The following UGT1A6 variants were observed in gnomAD, a reference collection of about 807,000 sequenced individuals.
The protein encoded by UGT1A6 is UDP glucuronosyltransferase family 1 member A6, also known as UDP-glucuronosyltransferase 1A6.
In UGT1A6, 32 loss-of-function variants were observed where a neutral mutation model predicts 44.4. The observed-to-expected ratio is 0.72, with a 90% CI of 0.54 to 0.97. The LOEUF (loss-of-function observed/expected upper bound fraction) is 0.97. Among genes scored for constraint, UGT1A6 ranks in the 50% least tolerant of loss-of-function variants. The pLI is 0.00. For synonymous variants in UGT1A6, 238 were observed against 248.5 expected (o/e 0.96, Z 0.40); for missense variants, 685 against 661.9 (o/e 1.03, Z -0.38).
At chr2:233,705,685 G>A (rs917594086) in intron 1 of UGT1A6, among the ~76,000 whole-genome samples, 4 of 152,158 alleles carry the variant, frequency 2.6e-5, no homozygotes, top group Admixed American at 1.3e-4. Context: ...TATTCACAAC[G>A]ACTGGTATAA....
intron 4 of UGT1A6, 143 bp downstream of exon 4, chr2:233,768,582 CTTTTTT>C (rs139595073): frequency 4.6e-4 from 479 of 1,031,596 alleles, no homozygotes; most frequent in East Asian, 1.4e-3. Context: ...TTTATTTCTT[CTTTTTT>C]TTTTTTTTTT....
intron 1 of UGT1A6, chr2:233,713,045 T>A: frequency 6.2e-7 from 1 of 1,614,044 alleles, no homozygotes; most frequent in East Asian, 2.2e-5. Context: ...GACTGCTGCT[T>A]CTCCTCAGTG....
chr2:233,727,225 C>G (rs1417750017), intron 1 of UGT1A6, among the ~76,000 whole-genome samples: 1 of 152,168 alleles, frequency 6.6e-6, no homozygotes, highest in Non-Finnish European at 1.5e-5. Context: ...TCCACATATG[C>G]GGATGGCTCC....
chr2:233,705,344 C>G (rs771723864), intron 1 of UGT1A6, among the ~76,000 whole-genome samples: 1 of 152,092 alleles, frequency 6.6e-6, no homozygotes, highest in Non-Finnish European at 1.5e-5. Context: ...CAATTTTTGT[C>G]TTATTACATG....
At chr2:233,739,246 G>A (rs1691023323) in intron 1 of UGT1A6, among the ~76,000 whole-genome samples, 1 of 152,234 alleles carries the variant, frequency 6.6e-6, no homozygotes, top group Non-Finnish European at 1.5e-5. Context: ...CTAGAGAAGG[G>A]TGGTAAAGAA....
intron 1 of UGT1A6, among the ~76,000 whole-genome samples, chr2:233,720,687 C>A (rs1440399782): frequency 1.3e-5 from 2 of 151,626 alleles, no homozygotes; most frequent in Non-Finnish European, 2.9e-5. Flanking sequence ...GTTTCTAAAT[C>A]CATTAAGGGA....
intron 1 of UGT1A6, among the ~76,000 whole-genome samples, chr2:233,758,985 G>GT (rs1383466743): frequency 1.3e-5 from 2 of 152,320 alleles, no homozygotes; most frequent in African/African-American, 4.8e-5. Flanking sequence ...TCTTGGGCCA[G>GT]TGGAATGAGT....
chr2:233,727,152 CTT>C (rs2077588377), intron 1 of UGT1A6, among the ~76,000 whole-genome samples: 1 of 152,188 alleles, frequency 6.6e-6, no homozygotes, highest in South Asian at 2.1e-4. Context: ...ACAGGTCAGT[CTT>C]TCAGGATGCT....
intron 1 of UGT1A6, among the ~76,000 whole-genome samples, chr2:233,744,897 C>T (rs1246744781): frequency 6.6e-6 from 1 of 151,970 alleles, no homozygotes; most frequent in East Asian, 1.9e-4. Context: ...CCTCTCCATA[C>T]CAAAATCTAG....
intron 1 of UGT1A6, among the ~76,000 whole-genome samples, chr2:233,752,736 C>A (rs1332947715): frequency 1.3e-5 from 2 of 152,164 alleles, no homozygotes; most frequent in African/African-American, 4.8e-5. Flanking sequence ...CAGAGAGAGA[C>A]CCTGTCTCTA....
intron 2 of UGT1A6, among the ~76,000 whole-genome samples, 198 bp downstream of exon 2, chr2:233,767,363 TTAAA>T (rs1699378447): frequency 6.6e-6 from 1 of 152,194 alleles, no homozygotes; most frequent in African/African-American, 2.4e-5. Context: ...AAATACTCTA[TTAAA>T]CTATGATCCA....
intron 1 of UGT1A6, among the ~76,000 whole-genome samples, chr2:233,717,379 C>T (rs2076569575): frequency 6.6e-6 from 1 of 152,218 alleles, no homozygotes; most frequent in Non-Finnish European, 1.5e-5. Flanking sequence ...CCTTACAGAC[C>T]TGCCCTCTCT....
Position 233,693,131 on chromosome 2 carries a change from AAGGATATAGTTG to A in UGT1A6, c.131_142del (p.Asp44_Glu47del). 1.2e-6 allele frequency: 2 copies of A among 1,614,212 alleles called. No individual in the cohort carries two copies. Among genetic ancestry groups the A allele is most frequent in the Non-Finnish European group, 1.7e-6 (2 of 1,180,044 alleles). ...GGACGGAAGCCACTGGCTTAGTATG[AAGGATATAGTTG>A]AGGTTCTCAGTGACCGGGGTCATGA... On this transcript the variant is annotated inframe_deletion, in exon 1 of 5. Coordinates refer to ENST00000305139, the MANE Select transcript of UGT1A6 (RefSeq NM_001072.4).
intron 1 of UGT1A6, among the ~76,000 whole-genome samples, chr2:233,720,053 A>T (rs2076826594): frequency 6.6e-6 from 1 of 152,182 alleles, no homozygotes; most frequent in Non-Finnish European, 1.5e-5. Flanking sequence ...CTGAACGGTG[A>T]TGCAACAGTA....
chr2:233,704,566 C>T (rs1174426546), intron 1 of UGT1A6, among the ~76,000 whole-genome samples: 1 of 152,028 alleles, frequency 6.6e-6, no homozygotes, highest in Non-Finnish European at 1.5e-5. Flanking sequence ...TATAAATACA[C>T]ATGCTTTCAA....
chr2:233,717,972 C>A, intron 1 of UGT1A6: 1 of 447,844 alleles, frequency 2.2e-6, no homozygotes, highest in Non-Finnish European at 4.5e-6. Flanking sequence ...CTTTGGCATT[C>A]AGAAGAGGAA....
chr2:233,743,204 C>G (rs187896113), intron 1 of UGT1A6: 8 of 388,962 alleles, frequency 2.1e-5, no homozygotes, highest in East Asian at 7.2e-5. Context: ...GGTGTCAATG[C>G]GGAGTAACTG....
intron 1 of UGT1A6, among the ~76,000 whole-genome samples, chr2:233,766,606 C>T (rs961105676): frequency 6.6e-6 from 1 of 152,198 alleles, no homozygotes; most frequent in Non-Finnish European, 1.5e-5. Context: ...GGACCACACC[C>T]TCTTCTACCC....
intron 1 of UGT1A6, chr2:233,729,891 G>A: frequency 1.2e-6 from 2 of 1,613,886 alleles, no homozygotes; most frequent in Non-Finnish European, 1.7e-6. Flanking sequence ...CATCTGTGTG[G>A]CTGTTCCGAG....
Sources: gnomAD v4.1 joint callset for allele counts (sites outside exome capture counted in the v4.1 genomes callset) on GRCh38, gnomAD v4.1.1 for gene constraint, MANE v1.5 for transcripts, NCBI Gene and HGNC (gene_info 2026-07-23, HGNC 2026-07-21) for gene names.